Variants in NALCN observed in about 807,000 individuals in gnomAD.
The protein encoded by NALCN is sodium leak channel, non-selective, also known as sodium leak channel NALCN.
A neutral mutation model predicts 225.3 loss-of-function variants in NALCN; 111 were observed. That is an observed-to-expected ratio of 0.49 (90% CI 0.42 to 0.58). The LOEUF is 0.58. Ranked by LOEUF, NALCN falls within the 20% of genes least tolerant of loss-of-function variation. NALCN has a pLI of 0.00. For missense variants in NALCN, 1,378 were observed against 2,202.4 expected (o/e 0.63, Z 7.49); for synonymous variants, 764 against 769.0 (o/e 0.99, Z 0.11).
At chr13:101,168,141 T>C (rs2038543693) in intron 15 of NALCN, among the ~76,000 whole-genome samples, 1 of 152,176 alleles carries the variant, frequency 6.6e-6, no homozygotes, top group Non-Finnish European at 1.5e-5. Context: ...CTCTTACCTC[T>C]TGTGCTGTGA....
chr13:101,103,925 G>A (rs1054728911), intron 25 of NALCN, among the ~76,000 whole-genome samples: 13 of 152,070 alleles, frequency 8.5e-5, no homozygotes, highest in Non-Finnish European at 1.6e-4. Context: ...CAGCAATAAG[G>A]GGCTCATAAT....
At chr13:101,299,422 TTTTTTTTG>T (rs2043871178) in intron 7 of NALCN, among the ~76,000 whole-genome samples, 1 of 145,438 alleles carries the variant, frequency 6.9e-6, no homozygotes, top group South Asian at 2.2e-4. Flanking sequence ...ACACACAGGG[TTTTTTTTG>T]TTTGTTTGTT....
Position 101,305,128 on chromosome 13 carries a change from G to A in NALCN, c.800-12762C>T, listed in dbSNP as rs554966461. On this transcript the variant is annotated intron_variant, in intron 7 of 43. Coordinates refer to ENST00000251127, the MANE Select transcript of NALCN (RefSeq NM_052867.4). ...CAAAATCCGGCATTATATACCTGAC[G>A]GTTTTTATGAACCTCTGTACTAGAT... 5.8e-4 allele frequency among the ~76,000 whole-genome samples: 88 copies of A among 152,218 alleles called. 3 individuals are homozygous for A. The South Asian group carries it at 0.017, about 30-fold the overall frequency.
At chr13:101,205,810 T>G (rs2040291318) in intron 13 of NALCN, among the ~76,000 whole-genome samples, 1 of 152,140 alleles carries the variant, frequency 6.6e-6, no homozygotes, top group African/African-American at 2.4e-5. Context: ...TTCATTTCAG[T>G]GCAATGATAA....
chr13:101,119,946 G>A (rs1324416904), intron 18 of NALCN, among the ~76,000 whole-genome samples: 2 of 152,056 alleles, frequency 1.3e-5, no homozygotes, highest in African/African-American at 4.8e-5. Context: ...TCTCATCAAA[G>A]AGTTCTCAAA....
chr13:101,182,234 C>A (rs2039267982), intron 14 of NALCN, among the ~76,000 whole-genome samples: 1 of 151,506 alleles, frequency 6.6e-6, no homozygotes, highest in Non-Finnish European at 1.5e-5. Context: ...AGAGAAAAGC[C>A]ACCCTCAGAG....
At chr13:101,199,306 A>AAAAT (rs1340526798) in intron 13 of NALCN, among the ~76,000 whole-genome samples, 1 of 151,740 alleles carries the variant, frequency 6.6e-6, no homozygotes, top group African/African-American at 2.4e-5. Context: ...AGAGTTGGAA[A>AAAAT]AAATAAATAA....
intron 7 of NALCN, among the ~76,000 whole-genome samples, chr13:101,339,792 T>TG (rs1163496451): frequency 6.6e-6 from 1 of 152,194 alleles, no homozygotes; most frequent in African/African-American, 2.4e-5. Context: ...GGCTAAATGT[T>TG]GATCAGATTC....
chr13:101,057,022 T>A (rs1369653240), intron 43 of NALCN: 1 of 152,228 alleles, frequency 6.6e-6, no homozygotes, highest in Non-Finnish European at 1.5e-5. Context: ...TCCTTGGTGG[T>A]AGTCCCAGTG....
At chr13:101,180,043 C>T (rs1224113218) in intron 14 of NALCN, among the ~76,000 whole-genome samples, 1 of 151,908 alleles carries the variant, frequency 6.6e-6, no homozygotes, top group African/African-American at 2.4e-5. Flanking sequence ...GACTTAGGGC[C>T]CACCCAGATA....
chr13:101,326,034 C>T (rs2044939853), intron 7 of NALCN, among the ~76,000 whole-genome samples: 1 of 152,056 alleles, frequency 6.6e-6, no homozygotes, highest in Admixed American at 6.6e-5. Flanking sequence ...TTGTTTCTGC[C>T]TACAAGTTTC....
At chr13:101,246,507 C>T (rs2041901975) in intron 11 of NALCN, among the ~76,000 whole-genome samples, 1 of 152,126 alleles carries the variant, frequency 6.6e-6, no homozygotes, top group Non-Finnish European at 1.5e-5. Context: ...TGTAAATCAC[C>T]TACTCTTAGC....
intron 1 of NALCN, among the ~76,000 whole-genome samples, chr13:101,409,933 G>A (rs552483238): frequency 7.9e-5 from 12 of 152,246 alleles, no homozygotes; most frequent in African/African-American, 2.6e-4. Flanking sequence ...GTATTTGGAG[G>A]TGGGGCCTTT....
chr13:101,389,000 G>C (rs1454472552), intron 3 of NALCN, among the ~76,000 whole-genome samples: 1 of 152,204 alleles, frequency 6.6e-6, no homozygotes, highest in Non-Finnish European at 1.5e-5. Context: ...ACGTCCAGGG[G>C]AGTACTGTGA....
intron 15 of NALCN, among the ~76,000 whole-genome samples, 164 bp downstream of exon 15, chr13:101,176,136 T>A (rs906597324): frequency 6.6e-6 from 1 of 152,234 alleles, no homozygotes; most frequent in Non-Finnish European, 1.5e-5. Flanking sequence ...TTTCCCTTGT[T>A]AATATTAGAT....
At chr13:101,245,285 G>A (rs2041859868) in intron 11 of NALCN, among the ~76,000 whole-genome samples, 1 of 152,106 alleles carries the variant, frequency 6.6e-6, no homozygotes, top group African/African-American at 2.4e-5. Flanking sequence ...ATTTGTAAGA[G>A]TATAATAAAC....
Position 101,374,650 on chromosome 13 carries a change from A to G in NALCN, c.644+2050T>C, listed in dbSNP as rs186403779. On this transcript the variant is annotated intron_variant, in intron 6 of 43. Coordinates refer to ENST00000251127, the MANE Select transcript of NALCN (RefSeq NM_052867.4). ...CTTCTAAATAAAAATAAAATTAATTAAGGCCTTGACTAATAGATTATGCTT... is the reference window on the plus strand; with the variant it reads ...CTTCTAAATAAAAATAAAATTAATTGAGGCCTTGACTAATAGATTATGCTT... 7.0e-4 allele frequency among the ~76,000 whole-genome samples: 106 copies of G among 152,290 alleles called. 1 individual carries two copies. The highest frequency in any genetic ancestry group is 2.3e-3 in the African/African-American group (95 of 41,558).
At chr13:101,286,602 G>A (rs1367574750) in intron 9 of NALCN, among the ~76,000 whole-genome samples, 5 of 152,094 alleles carry the variant, frequency 3.3e-5, no homozygotes, top group East Asian at 1.9e-4. Context: ...ATTCCTCATC[G>A]CATACGTCAC....
intron 15 of NALCN, among the ~76,000 whole-genome samples, chr13:101,161,947 G>A (rs1393342131): frequency 6.6e-6 from 1 of 152,142 alleles, no homozygotes; most frequent in Non-Finnish European, 1.5e-5. Flanking sequence ...TTCATGCCCT[G>A]CTGACTTTTC....
Sources: gnomAD v4.1 joint callset for allele counts (sites outside exome capture counted in the v4.1 genomes callset) on GRCh38, gnomAD v4.1.1 for gene constraint, MANE v1.5 for transcripts, NCBI Gene and HGNC (gene_info 2026-07-23, HGNC 2026-07-21) for gene names.